SHISA8: variants seen among roughly 807,000 people sequenced by gnomAD.
The protein encoded by SHISA8 is protein shisa-8.
Under a neutral mutation model 21.1 loss-of-function variants are expected in SHISA8, and 21 were observed. The ratio of observed to expected loss-of-function variants is 0.99; its 90% CI spans 0.71 to 1.43. The LOEUF (loss-of-function observed/expected upper bound fraction) is 1.43. Ranked by LOEUF, SHISA8 falls within the 40% of genes most tolerant of loss-of-function variation. The pLI, the probability that SHISA8 is intolerant of heterozygous loss-of-function variation, is 0.00. For missense variants in SHISA8, 535 were observed against 599.1 expected (o/e 0.89, Z 1.12); for synonymous variants, 300 against 291.4 (o/e 1.03, Z -0.30).
Position 41,910,581 on chromosome 22 carries a change from G to A in SHISA8, c.665-27C>T, listed in dbSNP as rs1311121693. ...TGGAGCGAGGAGTGAGACGCGGCTC[G>A]GTCCGATGCCCCGGTTCACTCCGCC... On this transcript the variant is annotated intron_variant, in intron 2 of 3. Coordinates refer to ENST00000621082, the MANE Select transcript of SHISA8 (RefSeq NM_001207020.3). This position sits in a 1 kb window ranked among gnomAD's most constrained non-coding sequence, Gnocchi z 6.8. 1.6e-6 allele frequency: 2 copies of A among 1,219,516 alleles called. No individual in the cohort carries two copies. The highest frequency in any genetic ancestry group is 2.0e-6 in the Non-Finnish European group (2 of 979,724). 75.5% of individuals were successfully genotyped at this position (1,219,516 alleles called of 1,614,324 possible).
Position 41,911,323 on chromosome 22 carries a change from G to C in SHISA8, c.557C>G (p.Pro186Arg), listed in dbSNP as rs1170429447. ...GGGAGGCAGTGGCTCCTGGGGGCCC[G>C]GCTGCTTCAGAAGCTCTGTCAGCGC... ...TRALTELLKQ[P>R]GPQEPLPPTL... Residue 186 changes from proline (P) to arginine (R), a missense_variant, in exon 2 of 4, where the codon CCG becomes CGG. Coordinates refer to ENST00000621082, the MANE Select transcript of SHISA8 (RefSeq NM_001207020.3). 1.6e-6 allele frequency: 2 copies of C among 1,246,020 alleles called. No individual in the cohort carries two copies. The highest frequency in any genetic ancestry group is 3.2e-5 in the East Asian group (1 of 31,738). 77.2% of individuals were successfully genotyped at this position (1,246,020 alleles called of 1,614,324 possible). A position where few individuals can be genotyped will look rare whatever the true frequency, so the allele number is the denominator to read the frequency against.
At chr22:41,911,138 G>A (rs2077550508) in intron 2 of SHISA8, 78 bp downstream of exon 2, 2 of 1,244,960 alleles carry the variant, frequency 1.6e-6, no homozygotes, top group Non-Finnish European at 2.0e-6. Context: ...CTATGCCCCA[G>A]CCGAGGGACC....
In SHISA8 at chr22:41,914,069, G is replaced by T; in HGVS notation, c.530+69C>A. 7.7e-7 allele frequency: 1 copy of T among 1,298,106 alleles called. No individual in the cohort carries two copies. The highest frequency in any genetic ancestry group is 9.8e-7 in the Non-Finnish European group (1 of 1,021,750). 80.4% of individuals were successfully genotyped at this position (1,298,106 alleles called of 1,614,324 possible). ...GGAGAACCAGCGCTTCGAGAGCGGC[G>T]GGAAGGATCAGCGGGCAGGGAGAGC... On this transcript the variant is annotated intron_variant, in intron 1 of 3. Transcript: ENST00000621082. The surrounding 1 kb of genome is among the most constrained non-coding windows in gnomAD (Gnocchi z 6.8).
intron 2 of SHISA8, 98 bp downstream of exon 2, chr22:41,911,117 CG>C: frequency 1.6e-6 from 2 of 1,223,168 alleles, no homozygotes; most frequent in African/African-American, 1.6e-5. Flanking sequence ...TCATTTCCAC[CG>C]GGGAAGCCTC....
chr22:41,914,187 G>C lies in SHISA8; in HGVS notation c.481C>G (p.Leu161Val). The part of the protein sequence containing the change: ...LLVLAGIGAR[L>V]GLERAHSPRA... Reference sequence around the variant, plus strand: ...GGGCTGTGCGCCCTCTCCAGTCCCAGGCGCGCCCCGATGCCGGCCAGCACC... The same window carrying C: ...GGGCTGTGCGCCCTCTCCAGTCCCACGCGCGCCCCGATGCCGGCCAGCACC... Residue 161 changes from leucine to valine, a missense_variant, in exon 1 of 4, where the codon CTG (leucine) becomes GTG (valine). Transcript: ENST00000621082. The surrounding 1 kb of genome is among the most constrained non-coding windows in gnomAD (Gnocchi z 6.8). The C allele has an allele frequency of 6.8e-7, 1 of 1,467,644 alleles. No individual in the cohort carries two copies. The highest frequency in any genetic ancestry group is 8.9e-7 in the Non-Finnish European group (1 of 1,118,640). 90.9% of individuals were successfully genotyped at this position (1,467,644 alleles called of 1,614,324 possible).
rs536284987 is a variant in SHISA8 at position 41,914,547 on chromosome 22, G to A, written c.121C>T (p.Pro41Ser). 86 of 1,194,060 alleles carry A rather than the reference G, an allele frequency of 7.2e-5. No homozygotes were observed. In the African/African-American group the frequency reaches 1.2e-3, roughly 16 times the overall value. 74.0% of individuals were successfully genotyped at this position (1,194,060 alleles called of 1,614,324 possible). A position where few individuals can be genotyped will look rare whatever the true frequency, so the allele number is the denominator to read the frequency against. ...ARPPSGRAGA[P>S]EAQGPAAPGT... ...GGCGCCGCGGGACCCTGCGCCTCGG[G>A]GGCTCCCGCGCGGCCCGACGGCGGC... Residue 41 changes from proline to serine, a missense_variant, in exon 1 of 4, where the codon CCC becomes TCC. Pro to Ser is a moderately conservative substitution (Grantham distance 74, BLOSUM62 -1). Transcript: ENST00000621082. The surrounding 1 kb of genome is among the most constrained non-coding windows in gnomAD (Gnocchi z 6.8).
At chr22:41,912,522 T>C (rs1456931543) in intron 1 of SHISA8, among the ~76,000 whole-genome samples, 1 of 152,028 alleles carries the variant, frequency 6.6e-6, no homozygotes, top group East Asian at 1.9e-4. Flanking sequence ...CAAGCTCCTG[T>C]CTCCCTGACA....
intron 1 of SHISA8, among the ~76,000 whole-genome samples, chr22:41,913,610 T>G (rs571362502): frequency 6.6e-6 from 1 of 151,576 alleles, no homozygotes; most frequent in Non-Finnish European, 1.5e-5. Context: ...AGCTGTGGCA[T>G]GGGGTGAGTG....
Position 41,910,487 on chromosome 22 carries a change from C to T in SHISA8, c.732G>A (p.Leu244=), listed in dbSNP as rs1216512745. 7.9e-7 allele frequency: 1 copy of T among 1,263,666 alleles called. No individual in the cohort carries two copies. The highest frequency in any genetic ancestry group is 9.9e-7 in the Non-Finnish European group (1 of 1,012,088). The allele number at this position is 1,263,666 out of a possible 1,614,324, so 78.3% of individuals were successfully genotyped here. The part of the protein sequence containing the change: ...AAPGPPRGPR[L]QGGGSLTLQP... ...GCAGCGTCAGGCTGCCGCCGCCCTG[C>T]AGCCGCGGGCCGCGCGGGGGCCCCG... The change falls in exon 3 of 4, where the codon CTG becomes CTA. Residue 244 remains leucine (L), a synonymous_variant. Coordinates refer to ENST00000621082, the MANE Select transcript of SHISA8 (RefSeq NM_001207020.3). The surrounding 1 kb of genome is among the most constrained non-coding windows in gnomAD (Gnocchi z 6.8).
Position 41,911,242 on chromosome 22 carries a change from G to T in SHISA8, c.638C>A (p.Pro213His). The change falls in exon 2 of 4, where the codon CCC becomes CAC. Residue 213 changes from proline (P) to histidine (H), a missense_variant. By Grantham distance (77) the Pro-to-His change is moderately conservative (BLOSUM62 -2). Coordinates refer to ENST00000621082, the MANE Select transcript of SHISA8 (RefSeq NM_001207020.3). ...TGCGCTGTTGTGGGGGGAGCCCCGG[G>T]GGAGGCCGTCCCCCATCTGCACCTG... ...CVQVQMGDGL[P>H]RGSPHNSADK... The T allele has an allele frequency of 7.8e-7, 1 of 1,284,306 alleles. No individual in the cohort carries two copies. Among genetic ancestry groups the T allele is most frequent in the Middle Eastern group, 2.4e-4 (1 of 4,240 alleles). 79.6% of individuals were successfully genotyped at this position (1,284,306 alleles called of 1,614,324 possible).
chr22:41,911,483 A>G, intron 1 of SHISA8, 134 bp from the exon 2 acceptor site: 2 of 995,332 alleles, frequency 2.0e-6, no homozygotes, highest in Non-Finnish European at 2.6e-6. Flanking sequence ...GGTGCTCGAA[A>G]TCACGCACGA....
chr22:41,914,832 G>A lies in SHISA8; in HGVS notation c.-165C>T, dbSNP rs891068886. Reference sequence around the variant, plus strand: ...CAGCCCCGAGTGGGCTGGGTCTGGAGCTCCGAGGCCGCACCTCCGGTGGGC... The same window carrying A: ...CAGCCCCGAGTGGGCTGGGTCTGGAACTCCGAGGCCGCACCTCCGGTGGGC... On this transcript the variant is annotated 5_prime_UTR_variant, in exon 1 of 4. Coordinates refer to ENST00000621082, the MANE Select transcript of SHISA8 (RefSeq NM_001207020.3). This position sits in a 1 kb window ranked among gnomAD's most constrained non-coding sequence, Gnocchi z 6.8. 4.6e-5 allele frequency among the ~76,000 whole-genome samples: 7 copies of A among 151,356 alleles called. No individual in the cohort carries two copies. The highest frequency in any genetic ancestry group is 1.7e-4 in the African/African-American group (7 of 41,426).
Position 41,914,437 on chromosome 22 carries a change from G to T in SHISA8, c.231C>A (p.Ser77Arg). ...MGQWDPPFNC[S>R]SGAYSFCCGT... ...CGCAGCAGAAGCTGTAGGCTCCGGA[G>T]CTGCAGTTGAAGGGCGGGTCCCACT... Residue 77 changes from serine (S) to arginine (R), a missense_variant, in exon 1 of 4, where the codon AGC (serine) becomes AGA (arginine). Transcript: ENST00000621082. The surrounding 1 kb of genome is among the most constrained non-coding windows in gnomAD (Gnocchi z 6.8). 1 of 1,359,990 alleles carries T rather than the reference G, an allele frequency of 7.4e-7. No individual in the cohort carries two copies. The highest frequency in any genetic ancestry group is 1.8e-5 in the South Asian group (1 of 56,126). The allele number at this position is 1,359,990 out of a possible 1,614,324, so 84.2% of individuals were successfully genotyped here.
Position 41,910,169 on chromosome 22 carries a change from G to A in SHISA8, c.812-22C>T, listed in dbSNP as rs908385835. On this transcript the variant is annotated intron_variant, in intron 3 of 3. Transcript: ENST00000621082. The surrounding 1 kb of genome is among the most constrained non-coding windows in gnomAD (Gnocchi z 6.8). ...GCCTCTGCGGGGACAGGGCAGGGAA[G>A]AGTGACGCCGCGCCGAGCACCCAAG... is the stretch of plus-strand genomic sequence containing the variant. 1.5e-5 allele frequency: 18 copies of A among 1,231,542 alleles called. No homozygotes were observed. Among genetic ancestry groups the A allele is most frequent in the Non-Finnish European group, 1.8e-5 (18 of 988,928 alleles). 76.3% of individuals were successfully genotyped at this position (1,231,542 alleles called of 1,614,324 possible). A position where few individuals can be genotyped will look rare whatever the true frequency, so the allele number is the denominator to read the frequency against.
intron 1 of SHISA8, among the ~76,000 whole-genome samples, chr22:41,911,748 A>G (rs1387552413): frequency 1.3e-5 from 2 of 151,424 alleles, no homozygotes; most frequent in African/African-American, 4.8e-5. Flanking sequence ...CCTTTTTTTT[A>G]ATTTTTTTAT....
chr22:41,909,810 C>T lies in SHISA8; in HGVS notation c.1149G>A (p.Gly383=), dbSNP rs1339017775. The T allele has an allele frequency of 1.3e-6, 2 of 1,517,816 alleles. No individual in the cohort carries two copies. Among genetic ancestry groups the T allele is most frequent in the Non-Finnish European group, 1.8e-6 (2 of 1,138,580 alleles). The allele number at this position is 1,517,816 out of a possible 1,614,324, so 94.0% of individuals were successfully genotyped here. Residue 383 remains glycine (G), a synonymous_variant, in exon 4 of 4, where the codon GGG becomes GGA. Transcript: ENST00000621082. ...LPGLYGSAGR[G]SRYLRTNSKT... ...TGCTATTGGTCCTTAGGTACCGGGACCCGCGGCCCGCGCTGCCGTAAAGGC... is the reference window on the plus strand; with the variant it reads ...TGCTATTGGTCCTTAGGTACCGGGATCCGCGGCCCGCGCTGCCGTAAAGGC...
Position 41,910,083 on chromosome 22 carries a change from C to G in SHISA8, c.876G>C (p.Pro292=). 2 of 1,239,278 alleles carry G rather than the reference C, an allele frequency of 1.6e-6. No individual in the cohort carries two copies. The highest frequency in any genetic ancestry group is 1.0e-6 in the Non-Finnish European group (1 of 994,618). 76.8% of individuals were successfully genotyped at this position (1,239,278 alleles called of 1,614,324 possible). A position where few individuals can be genotyped will look rare whatever the true frequency, so the allele number is the denominator to read the frequency against. ...CCGGGGATGGTCGCGGAGCCCGCGC[C>G]GGGGGTTGCCGCGGGGACGGCTCGA... The part of the protein sequence containing the change: ...PALEPSPRQP[P]ARAPRPSPDL... The change falls in exon 4 of 4, where the codon CCG becomes CCC. Residue 292 remains proline (P), a synonymous_variant. Coordinates refer to ENST00000621082, the MANE Select transcript of SHISA8 (RefSeq NM_001207020.3). The surrounding 1 kb of genome is among the most constrained non-coding windows in gnomAD (Gnocchi z 6.8).
chr22:41,911,480 G>C, intron 1 of SHISA8, 131 bp from the exon 2 acceptor site: 1 of 1,012,400 alleles, frequency 9.9e-7, no homozygotes, highest in Non-Finnish European at 1.3e-6. Context: ...TCCGGTGCTC[G>C]AAATCACGCA....
In SHISA8 at chr22:41,911,215, C is replaced by A; in HGVS notation, c.664+1G>T. The A allele has an allele frequency of 1.6e-6, 2 of 1,282,508 alleles. No individual in the cohort carries two copies. Among genetic ancestry groups the A allele is most frequent in the Non-Finnish European group, 9.8e-7 (1 of 1,016,894 alleles). 79.4% of individuals were successfully genotyped at this position (1,282,508 alleles called of 1,614,324 possible). ...CTCAGCCCCGCCCGCCACCGACTCA[C>A]CTGCGCTGTTGTGGGGGGAGCCCCG... is the stretch of plus-strand genomic sequence containing the variant. On this transcript the variant is annotated splice_donor_variant, in intron 2 of 3. Transcript: ENST00000621082. LOFTEE classifies it high-confidence loss of function.
Sources: allele counts gnomAD v4.1 joint callset (sites outside exome capture counted in the v4.1 genomes callset), GRCh38; gene constraint gnomAD v4.1.1; non-coding constraint Gnocchi (gnomAD v3.1); transcripts MANE v1.5; gene names NCBI Gene and HGNC (gene_info 2026-07-23, HGNC 2026-07-21).